Variants in KCNIP4 observed in about 807,000 individuals in gnomAD.
The protein encoded by KCNIP4 is Kv channel-interacting protein 4.
A neutral mutation model predicts 34.0 loss-of-function variants in KCNIP4; 12 were observed. That is an observed-to-expected ratio of 0.35 (90% CI 0.23 to 0.57). The LOEUF (loss-of-function observed/expected upper bound fraction) is 0.57, where lower values mean the gene tolerates loss of function less well. Among genes scored for constraint, KCNIP4 ranks in the 20% least tolerant of loss-of-function variants. The probability of loss-of-function intolerance (pLI) is 0.83; values close to 1 mark genes in which losing one functional copy is unlikely to be tolerated. For synonymous variants in KCNIP4, 124 were observed against 102.2 expected (o/e 1.21, Z -1.29); for missense variants, 238 against 311.7 (o/e 0.76, Z 1.78).
chr4:21,615,064 T>C (rs1200770188), intron 1 of KCNIP4, among the ~76,000 whole-genome samples: 1 of 151,912 alleles, frequency 6.6e-6, no homozygotes, highest in East Asian at 1.9e-4. Flanking sequence ...AAAAACTAGT[T>C]AGTTAAAAAC....
chr4:21,337,590 G>T (rs902011515), intron 1 of KCNIP4, among the ~76,000 whole-genome samples: 7 of 152,106 alleles, frequency 4.6e-5, no homozygotes, highest in Admixed American at 4.6e-4. Flanking sequence ...TAGAATTTTA[G>T]TATTCCCACA....
intron 1 of KCNIP4, among the ~76,000 whole-genome samples, chr4:21,209,127 T>G (rs1483346574): frequency 2.6e-5 from 4 of 152,156 alleles, no homozygotes. Flanking sequence ...TTTATTGTTG[T>G]TTTTTAACTA....
chr4:20,914,129 C>A (rs967711413), intron 1 of KCNIP4, among the ~76,000 whole-genome samples: 26 of 151,076 alleles, frequency 1.7e-4, no homozygotes, highest in African/African-American at 6.3e-4. Context: ...TGCACTCCAG[C>A]TTGGGCAATA....
chr4:20,968,004 CG>C (rs888907157), intron 1 of KCNIP4, among the ~76,000 whole-genome samples: 1 of 151,720 alleles, frequency 6.6e-6, no homozygotes, highest in African/African-American at 2.4e-5. Context: ...ACCTACAGAA[CG>C]GGAGAAAATT....
At chr4:21,511,479 GA>G (rs1372772594) in intron 1 of KCNIP4, among the ~76,000 whole-genome samples, 1 of 152,106 alleles carries the variant, frequency 6.6e-6, no homozygotes, top group African/African-American at 2.4e-5. Context: ...ACACGTACAT[GA>G]AAAAGTGTAT....
intron 1 of KCNIP4, among the ~76,000 whole-genome samples, chr4:21,763,603 G>A (rs933631528): frequency 6.6e-6 from 1 of 152,132 alleles, no homozygotes; most frequent in Admixed American, 6.6e-5. Context: ...AATAGCTTGG[G>A]TCTGTCCCCT....
chr4:21,293,432 C>T (rs1046659177), intron 1 of KCNIP4, among the ~76,000 whole-genome samples: 1 of 152,200 alleles, frequency 6.6e-6, no homozygotes, highest in East Asian at 1.9e-4. Context: ...CCGAGTTCAA[C>T]TGAGTTTCTT....
intron 1 of KCNIP4, among the ~76,000 whole-genome samples, chr4:21,708,415 G>C (rs1406678431): frequency 6.6e-6 from 1 of 151,954 alleles, no homozygotes; most frequent in African/African-American, 2.4e-5. Context: ...CTAAGTATGG[G>C]GTGAAGAGTC....
At chr4:21,835,581 T>A (rs984232003) in intron 1 of KCNIP4, among the ~76,000 whole-genome samples, 10 of 60,414 alleles carry the variant, frequency 1.7e-4, no homozygotes, top group East Asian at 6.9e-4. Context: ...TTTCTTACGT[T>A]TTTTTTTGTT....
intron 1 of KCNIP4, among the ~76,000 whole-genome samples, chr4:21,730,940 C>A (rs187896297): frequency 2.0e-5 from 3 of 151,992 alleles, no homozygotes; most frequent in Non-Finnish European, 2.9e-5. Context: ...TGGCAAAACA[C>A]CATCTCTATA....
intron 1 of KCNIP4, among the ~76,000 whole-genome samples, chr4:21,060,985 C>G (rs372758622): frequency 1.3e-5 from 2 of 152,036 alleles, no homozygotes; most frequent in East Asian, 1.9e-4. Flanking sequence ...TCCAAGATAA[C>G]GAGCCTGTTA....
At chr4:21,570,781 T>C (rs1740307757) in intron 1 of KCNIP4, among the ~76,000 whole-genome samples, 1 of 152,184 alleles carries the variant, frequency 6.6e-6, no homozygotes, top group South Asian at 2.1e-4. Flanking sequence ...ATAATTACAA[T>C]GTTTATCCAG....
At chr4:20,850,730 C>A in intron 2 of KCNIP4, 63 bp from the exon 3 acceptor site, 1 of 1,553,610 alleles carries the variant, frequency 6.4e-7, no homozygotes, top group Non-Finnish European at 8.7e-7. Context: ...TTACACAGAG[C>A]AACAAAGGAA....
chr4:21,033,649 G>T (rs1252180349), intron 1 of KCNIP4, among the ~76,000 whole-genome samples: 1 of 152,110 alleles, frequency 6.6e-6, no homozygotes, highest in Non-Finnish European at 1.5e-5. Flanking sequence ...ACATATGTCA[G>T]GTATGGTAGG....
chr4:21,213,421 C>T (rs1412856026), intron 1 of KCNIP4, among the ~76,000 whole-genome samples: 1 of 152,080 alleles, frequency 6.6e-6, no homozygotes, highest in Non-Finnish European at 1.5e-5. Flanking sequence ...CCTGCCTCAG[C>T]CTTCCAAGTA....
chr4:21,705,877 C>T (rs1314631186), intron 1 of KCNIP4, among the ~76,000 whole-genome samples: 1 of 152,152 alleles, frequency 6.6e-6, no homozygotes, highest in Non-Finnish European at 1.5e-5. Flanking sequence ...GTTCATTTTT[C>T]ACATTGAAGC....
intron 1 of KCNIP4, among the ~76,000 whole-genome samples, chr4:21,666,196 G>A (rs541122923): frequency 4.7e-4 from 71 of 152,302 alleles, no homozygotes; most frequent in African/African-American, 1.6e-3. Flanking sequence ...TTTAAAAGAT[G>A]AAGACATAGT....
intron 1 of KCNIP4, among the ~76,000 whole-genome samples, chr4:21,428,008 C>T (rs1456125797): frequency 2.0e-5 from 3 of 151,936 alleles, no homozygotes; most frequent in South Asian, 2.1e-4. Context: ...TAAATTAAGC[C>T]GCAAGAATGG....
At chr4:21,476,316 C>T (rs940657052) in intron 1 of KCNIP4, among the ~76,000 whole-genome samples, 1 of 152,084 alleles carries the variant, frequency 6.6e-6, no homozygotes, top group Non-Finnish European at 1.5e-5. Flanking sequence ...TAAATGTTGT[C>T]CCTCGAATAT....
Sources: allele counts gnomAD v4.1 joint callset (sites outside exome capture counted in the v4.1 genomes callset), GRCh38; gene constraint gnomAD v4.1.1; transcripts MANE v1.5; gene names NCBI Gene and HGNC (gene_info 2026-07-23, HGNC 2026-07-21).